IL2RA: variants seen among roughly 807,000 people sequenced by gnomAD.
IL2RA encodes interleukin-2 receptor subunit alpha.
Under a neutral mutation model 37.8 loss-of-function variants are expected in IL2RA, and 24 were observed. The observed-to-expected ratio is 0.63, with a 90% confidence interval of 0.46 to 0.89. The LOEUF (loss-of-function observed/expected upper bound fraction) is 0.89. Among genes scored for constraint, IL2RA ranks in the 40% least tolerant of loss-of-function variants. The pLI is 0.00. For synonymous variants in IL2RA, 125 were observed against 114.6 expected (o/e 1.09, Z -0.58); for missense variants, 319 against 348.6 (o/e 0.92, Z 0.68).
rs75814250 is a variant in IL2RA at position 6,046,660 on chromosome 10, T to A, written c.64+15428A>T. Among the ~76,000 whole-genome samples the A allele has an allele frequency of 6.6e-6, 1 of 152,208 alleles. No homozygotes were observed. Among genetic ancestry groups the A allele is most frequent in the African/African-American group, 2.4e-5 (1 of 41,446 alleles). On this transcript the variant is annotated intron_variant, in intron 1 of 7. Transcript: ENST00000379959. The surrounding 1 kb of genome is among the most constrained non-coding windows in gnomAD (Gnocchi z 4.8). The stretch of plus-strand genomic sequence containing the variant: ...CTGCCCTGGCCCTCTTCTGCAGCCA[T>A]GCTGAGAGGAAATACAGGCTTGCAT...
Position 6,012,963 on chromosome 10 carries a change from C to G in IL2RA, c.795-67G>C, listed in dbSNP as rs537210654. On this transcript the variant is annotated intron_variant, in intron 7 of 7. Coordinates refer to ENST00000379959, the MANE Select transcript of IL2RA (RefSeq NM_000417.3). This position sits in a 1 kb window ranked among gnomAD's most constrained non-coding sequence, Gnocchi z 4.8. ...GCACCAAAAAAATGTGGTCCTCACT[C>G]TAAACCAGTGCACACGCCACCATGC... 1 of 1,479,394 alleles carries G rather than the reference C, an allele frequency of 6.8e-7. No homozygotes were observed. Among genetic ancestry groups the G allele is most frequent in the African/African-American group, 1.4e-5 (1 of 72,290 alleles). The allele number at this position is 1,479,394 out of a possible 1,614,324, so 91.6% of individuals were successfully genotyped here.
rs1481956412 is a variant in IL2RA, at chr10:6,033,932, C to G, written c.65-7907G>C. ...CAAAATGAGCGAGAAGCATATTTAG[C>G]TACTCTTTTGTAATTATTCATTAGC... is the stretch of plus-strand genomic sequence containing the variant. On this transcript the variant is annotated intron_variant, in intron 1 of 7. Transcript: ENST00000379959. The surrounding 1 kb of genome is among the most constrained non-coding windows in gnomAD (Gnocchi z 4.3). Among the ~76,000 whole-genome samples the G allele has an allele frequency of 1.3e-5, 2 of 152,228 alleles. No individual in the cohort carries two copies. The highest frequency in any genetic ancestry group is 4.8e-5 in the African/African-American group (2 of 41,452).
chr10:6,034,948 A>G (rs1023094709), intron 1 of IL2RA, among the ~76,000 whole-genome samples: 3 of 152,208 alleles, frequency 2.0e-5, no homozygotes, highest in African/African-American at 4.8e-5. Context: ...CTGGATGTAG[A>G]CATCACCTTC....
In IL2RA at chr10:6,043,687, C is replaced by T. The variant is rs559742016; in HGVS notation, c.65-17662G>A. 1.5e-4 allele frequency among the ~76,000 whole-genome samples: 23 copies of T among 152,322 alleles called. No homozygotes were observed. The South Asian group carries it at 3.7e-3, about 25-fold the overall frequency. On this transcript the variant is annotated intron_variant, in intron 1 of 7. Coordinates refer to ENST00000379959, the MANE Select transcript of IL2RA (RefSeq NM_000417.3). ...TCCTGACCTCAGGTGATCTACCTGCCTCGGCCTCCCAAGGTGCTGGGATTA... is the reference window on the plus strand; with the variant it reads ...TCCTGACCTCAGGTGATCTACCTGCTTCGGCCTCCCAAGGTGCTGGGATTA...
At position 6,047,678 on chromosome 10, in the gene IL2RA, G is replaced by T. The variant is rs980241699; in HGVS notation, c.64+14410C>A. On this transcript the variant is annotated intron_variant, in intron 1 of 7. Transcript: ENST00000379959. The surrounding 1 kb of genome is among the most constrained non-coding windows in gnomAD (Gnocchi z 5.0). ...ATATAAATATAAATATATAATAAAT[G>T]AAATATATAAAATACCATCTTAGCT... 6.7e-6 allele frequency among the ~76,000 whole-genome samples: 1 copy of T among 149,120 alleles called. No individual in the cohort carries two copies. The highest frequency in any genetic ancestry group is 2.4e-5 in the African/African-American group (1 of 40,838).
At chr10:6,051,766 G>A (rs1287820080) in intron 1 of IL2RA, among the ~76,000 whole-genome samples, 2 of 127,910 alleles carry the variant, frequency 1.6e-5, no homozygotes, top group African/African-American at 5.8e-5. Context: ...TGATCTGCCC[G>A]CCTCAGCCTC....
rs984344855 is a variant in IL2RA at position 6,048,637 on chromosome 10, C to T, written c.64+13451G>A. On this transcript the variant is annotated intron_variant, in intron 1 of 7. Coordinates refer to ENST00000379959, the MANE Select transcript of IL2RA (RefSeq NM_000417.3). The surrounding 1 kb of genome is among the most constrained non-coding windows in gnomAD (Gnocchi z 5.3). ...AGGCCCACCGAGGTTAAAACCCTAC[C>T]CTCATGGACTTCCATGGAGGTTACT... Among the ~76,000 whole-genome samples, 1 of 152,234 alleles carries T rather than the reference C, an allele frequency of 6.6e-6. No homozygotes were observed. The highest frequency in any genetic ancestry group is 1.5e-5 in the Non-Finnish European group (1 of 68,038).
intron 1 of IL2RA, among the ~76,000 whole-genome samples, chr10:6,055,299 G>T (rs1196487475): frequency 6.6e-6 from 1 of 152,152 alleles, no homozygotes. Flanking sequence ...CTAATTTGGT[G>T]AGTTTCAATC....
rs1037718163 is a variant in IL2RA, at chr10:6,057,799, C to A, written c.64+4289G>T. On this transcript the variant is annotated intron_variant, in intron 1 of 7. Transcript: ENST00000379959. The surrounding 1 kb of genome is among the most constrained non-coding windows in gnomAD (Gnocchi z 4.8). ...GAGGGACTGCCTGCCTTGATGATATCCATAGCTCGCAGAAGAATGACTCCA... is the reference window on the plus strand; with the variant it reads ...GAGGGACTGCCTGCCTTGATGATATACATAGCTCGCAGAAGAATGACTCCA... Among the ~76,000 whole-genome samples the A allele has an allele frequency of 3.3e-5, 5 of 152,124 alleles. No homozygotes were observed. Among genetic ancestry groups the A allele is most frequent in the Non-Finnish European group, 7.3e-5 (5 of 68,034 alleles).
rs1839639164 is a variant in IL2RA at position 6,033,828 on chromosome 10, C to T, written c.65-7803G>A. On this transcript the variant is annotated intron_variant, in intron 1 of 7. Transcript: ENST00000379959. The surrounding 1 kb of genome is among the most constrained non-coding windows in gnomAD (Gnocchi z 4.3). ...GGCAGAAGTGATGAAAACGTTTTTG[C>T]AGCTGTACACATTTGTCAAAACTCA... is the stretch of plus-strand genomic sequence containing the variant. Among the ~76,000 whole-genome samples the T allele has an allele frequency of 6.6e-6, 1 of 152,194 alleles. No homozygotes were observed. Among genetic ancestry groups the T allele is most frequent in the Non-Finnish European group, 1.5e-5 (1 of 68,036 alleles).
Position 6,012,785 on chromosome 10 carries a change from T to C in IL2RA, c.*87A>G. 7.2e-7 allele frequency: 1 copy of C among 1,389,806 alleles called. No homozygotes were observed. The highest frequency in any genetic ancestry group is 1.0e-6 in the Non-Finnish European group (1 of 975,494). The allele number at this position is 1,389,806 out of a possible 1,614,324, so 86.1% of individuals were successfully genotyped here. A position where few individuals can be genotyped will look rare whatever the true frequency, so the allele number is the denominator to read the frequency against. ...ACAACGGATGTCTCCTGGGCGACCATTTAGCACCTTTGATTTCACTTGGGC... is the reference window on the plus strand; with the variant it reads ...ACAACGGATGTCTCCTGGGCGACCACTTAGCACCTTTGATTTCACTTGGGC... On this transcript the variant is annotated 3_prime_UTR_variant, in exon 8 of 8. Coordinates refer to ENST00000379959, the MANE Select transcript of IL2RA (RefSeq NM_000417.3). This position sits in a 1 kb window ranked among gnomAD's most constrained non-coding sequence, Gnocchi z 4.8.
At position 6,044,029 on chromosome 10, in the gene IL2RA, C is replaced by T. The variant is rs1465276446; in HGVS notation, c.65-18004G>A. On this transcript the variant is annotated intron_variant, in intron 1 of 7. Coordinates refer to ENST00000379959, the MANE Select transcript of IL2RA (RefSeq NM_000417.3). This position sits in a 1 kb window ranked among gnomAD's most constrained non-coding sequence, Gnocchi z 4.5. Reference sequence around the variant, plus strand: ...TATCAGAGAAAGAAACCCCCCTCTCCCCAAACTCAGTGGCAAGTCCACAGC... The same window carrying T: ...TATCAGAGAAAGAAACCCCCCTCTCTCCAAACTCAGTGGCAAGTCCACAGC... Among the ~76,000 whole-genome samples, 1 of 152,214 alleles carries T rather than the reference C, an allele frequency of 6.6e-6. No individual in the cohort carries two copies. Among genetic ancestry groups the T allele is most frequent in the Admixed American group, 6.5e-5 (1 of 15,286 alleles).
rs377221065 is a variant in IL2RA at position 6,017,472 on chromosome 10, A to C, written c.794+581T>G. On this transcript the variant is annotated intron_variant, in intron 7 of 7. Transcript: ENST00000379959. The stretch of plus-strand genomic sequence containing the variant: ...CTATTCCAAAGGTTTCTGAGAAGGT[A>C]GATTTCAATAATGTTTATAAAACAA... Among the ~76,000 whole-genome samples the C allele has an allele frequency of 2.2e-4, 33 of 152,188 alleles. 1 individual carries two copies. The East Asian group carries it at 3.7e-3, about 17-fold the overall frequency.
chr10:6,059,643 C>T (rs2132908061), intron 1 of IL2RA, among the ~76,000 whole-genome samples: 1 of 152,248 alleles, frequency 6.6e-6, no homozygotes, highest in Non-Finnish European at 1.5e-5. Flanking sequence ...TTGAATTCCC[C>T]ATATCCCCAC....
intron 5 of IL2RA, 69 bp from the exon 6 acceptor site, chr10:6,019,568 G>T: frequency 8.6e-7 from 1 of 1,161,944 alleles, no homozygotes; most frequent in Non-Finnish European, 1.3e-6. Flanking sequence ...GCTAAAGGAA[G>T]TCAGGGTGTC....
At chr10:6,032,669 G>T (rs977967939) in intron 1 of IL2RA, among the ~76,000 whole-genome samples, 2 of 149,238 alleles carry the variant, frequency 1.3e-5, no homozygotes, top group Non-Finnish European at 3.0e-5. Flanking sequence ...CTCCAGCCTG[G>T]GTGACAGAGC....
intron 1 of IL2RA, among the ~76,000 whole-genome samples, chr10:6,037,010 A>G (rs1289400345): frequency 2.0e-5 from 3 of 152,150 alleles, no homozygotes; most frequent in Non-Finnish European, 4.4e-5. Context: ...CACTTGGAGT[A>G]TGAGAGTTTC....
At chr10:6,059,083 G>T (rs1422009180) in intron 1 of IL2RA, among the ~76,000 whole-genome samples, 1 of 152,236 alleles carries the variant, frequency 6.6e-6, no homozygotes, top group Non-Finnish European at 1.5e-5. Context: ...AAAAGTCTGT[G>T]ATGAGATGGT....
chr10:6,054,043 G>A lies in IL2RA; in HGVS notation c.64+8045C>T, dbSNP rs745897085. ...TCCGTATCTTGCCTTCCCTCCACCC[G>A]TTCCTCTTCCTCCCAGCACAGTGAC... On this transcript the variant is annotated intron_variant, in intron 1 of 7. Coordinates refer to ENST00000379959, the MANE Select transcript of IL2RA (RefSeq NM_000417.3). This position sits in a 1 kb window ranked among gnomAD's most constrained non-coding sequence, Gnocchi z 4.5. 2.0e-5 allele frequency among the ~76,000 whole-genome samples: 3 copies of A among 152,258 alleles called. No individual in the cohort carries two copies. The highest frequency in any genetic ancestry group is 3.4e-3 in the Middle Eastern group (1 of 294).
Sources: allele counts gnomAD v4.1 joint callset (sites outside exome capture counted in the v4.1 genomes callset), GRCh38; gene constraint gnomAD v4.1.1; non-coding constraint Gnocchi (gnomAD v3.1); transcripts MANE v1.5; gene names NCBI Gene and HGNC (gene_info 2026-07-23, HGNC 2026-07-21).